The following RNF144A variants were observed in gnomAD, a reference collection of about 807,000 sequenced individuals.
RNF144A encodes E3 ubiquitin-protein ligase RNF144A.
In RNF144A, 11 loss-of-function variants were observed where a neutral mutation model predicts 38.7. The ratio of observed to expected loss-of-function variants is 0.28; its 90% CI spans 0.18 to 0.47. The LOEUF is 0.47. RNF144A is among the 20% of genes least tolerant of loss of function. The pLI is 0.99. For missense variants in RNF144A, 316 were observed against 377.2 expected, an observed-to-expected ratio of 0.84 and a Z score of 1.34; for synonymous variants, 149 against 143.9, an observed-to-expected ratio of 1.04 and a Z score of -0.25.
At chr2:7,033,131 G>A (rs548153188) in intron 8 of RNF144A, among the ~76,000 whole-genome samples, 35 of 152,370 alleles carry the variant, frequency 2.3e-4, no homozygotes, top group African/African-American at 7.9e-4. Flanking sequence ...CAGGGACTCT[G>A]GCTGGCTGTT....
intron 2 of RNF144A, among the ~76,000 whole-genome samples, chr2:6,965,882 A>G (rs188384832): frequency 6.6e-6 from 1 of 152,106 alleles, no homozygotes; most frequent in South Asian, 2.1e-4. Flanking sequence ...TTTAAACAGG[A>G]TGTGCATTTT....
At chr2:7,014,315 G>A (rs541939091) in intron 3 of RNF144A, 139 bp from the exon 4 acceptor site, 1 of 668,478 alleles carries the variant, frequency 1.5e-6, no homozygotes, top group African/African-American at 1.8e-5. Flanking sequence ...CCTCAAATGT[G>A]TTGGTTGCTG....
At chr2:7,001,254 C>T (rs879271905) in intron 3 of RNF144A, among the ~76,000 whole-genome samples, 12 of 151,322 alleles carry the variant, frequency 7.9e-5, no homozygotes, top group Admixed American at 4.0e-4. Flanking sequence ...GAGCTGAGAT[C>T]GCGCCATTGC....
chr2:6,942,919 G>A (rs779213502), intron 2 of RNF144A, among the ~76,000 whole-genome samples: 2 of 152,200 alleles, frequency 1.3e-5, no homozygotes, highest in Non-Finnish European at 2.9e-5. Flanking sequence ...GGGAGGCGGA[G>A]GTCGCAGTGA....
chr2:6,926,963 G>A (rs1196099792), intron 1 of RNF144A, among the ~76,000 whole-genome samples: 1 of 152,136 alleles, frequency 6.6e-6, no homozygotes, highest in African/African-American at 2.4e-5. Context: ...TGAAACAAGG[G>A]AGAGTTTACC....
intron 2 of RNF144A, among the ~76,000 whole-genome samples, chr2:6,976,583 TA>T (rs1469794178): frequency 6.7e-6 from 1 of 148,756 alleles, no homozygotes; most frequent in East Asian, 1.9e-4. Flanking sequence ...TTCATATATA[TA>T]AAACTATATA....
rs540852214 is a variant in RNF144A, at chr2:6,956,319, G to A, written c.-12+15172G>A. 9.2e-5 allele frequency among the ~76,000 whole-genome samples: 14 copies of A among 152,084 alleles called. No homozygotes were observed. In the South Asian group the frequency reaches 1.2e-3, roughly 14 times the overall value. ...AAACTTCCTGAGGCTAGTCACCTTC[G>A]TCTGTACCCATGGCGTGTACCTGAA... is the stretch of plus-strand genomic sequence containing the variant. On this transcript the variant is annotated intron_variant, in intron 2 of 8. Transcript: ENST00000320892.
chr2:6,967,803 A>G (rs1357749500), intron 2 of RNF144A, among the ~76,000 whole-genome samples: 2 of 152,140 alleles, frequency 1.3e-5, no homozygotes, highest in South Asian at 2.1e-4. Context: ...AGATACTTCC[A>G]TAGACTCCTT....
rs935358359 is a variant in RNF144A, at chr2:6,943,293, C to T, written c.-12+2146C>T. Reference sequence around the variant, plus strand: ...CAAGAGGGAACAACCAGGGAGGAAGCGGGGGAACCAGGAGCATGGAGAGGA... The same window carrying T: ...CAAGAGGGAACAACCAGGGAGGAAGTGGGGGAACCAGGAGCATGGAGAGGA... On this transcript the variant is annotated intron_variant, in intron 2 of 8. Transcript: ENST00000320892. The surrounding 1 kb of genome is among the most constrained non-coding windows in gnomAD (Gnocchi z 4.3). 8.5e-5 allele frequency among the ~76,000 whole-genome samples: 13 copies of T among 152,098 alleles called. No homozygotes were observed. Among genetic ancestry groups the T allele is most frequent in the African/African-American group, 1.2e-4 (5 of 41,412 alleles).
intron 3 of RNF144A, among the ~76,000 whole-genome samples, chr2:6,997,361 A>G (rs1669817009): frequency 6.6e-6 from 1 of 152,236 alleles, no homozygotes; most frequent in African/African-American, 2.4e-5. Flanking sequence ...CTACACAGCA[A>G]AAGCTTCCAC....
At chr2:6,932,496 T>C (rs1665266635) in intron 1 of RNF144A, among the ~76,000 whole-genome samples, 1 of 152,200 alleles carries the variant, frequency 6.6e-6, no homozygotes, top group Non-Finnish European at 1.5e-5. Context: ...CCTTATTCCT[T>C]TACAAAATTA....
intron 1 of RNF144A, among the ~76,000 whole-genome samples, chr2:6,924,993 A>G (rs565904394): frequency 2.0e-5 from 3 of 152,308 alleles, no homozygotes; most frequent in African/African-American, 7.2e-5. Context: ...GGAGAATGTC[A>G]GGAAGCACCT....
intron 2 of RNF144A, among the ~76,000 whole-genome samples, chr2:6,973,429 T>C (rs1558396350): frequency 6.6e-6 from 1 of 152,232 alleles, no homozygotes; most frequent in Non-Finnish European, 1.5e-5. Flanking sequence ...GGCCCTCGTA[T>C]TGCCATCAAA....
At chr2:6,978,330 C>G (rs3771999) in intron 2 of RNF144A, among the ~76,000 whole-genome samples, 71,951 of 152,052 alleles carry the variant, frequency 0.47, 17,585 homozygotes, top group Non-Finnish European at 0.55. Flanking sequence ...ACTCTCTTAA[C>G]AGCACATAGT....
chr2:7,016,124 A>G (rs1435144218), intron 5 of RNF144A, among the ~76,000 whole-genome samples: 1 of 146,642 alleles, frequency 6.8e-6, no homozygotes, highest in African/African-American at 2.5e-5. Context: ...AAAAAAAAAG[A>G]AAGAAAAAGA....
At chr2:7,026,434 G>A (rs955276054) in intron 7 of RNF144A, among the ~76,000 whole-genome samples, 1 of 151,016 alleles carries the variant, frequency 6.6e-6, no homozygotes, top group Admixed American at 6.6e-5. Context: ...GGCATCTGAA[G>A]TCTTACCAAG....
At chr2:6,961,996 G>A (rs985946156) in intron 2 of RNF144A, among the ~76,000 whole-genome samples, 4 of 152,188 alleles carry the variant, frequency 2.6e-5, no homozygotes, top group Admixed American at 6.5e-5. Flanking sequence ...ACAAGGACAC[G>A]GACATACGAA....
chr2:7,071,240 C>G (rs1674472138), downstream of RNF144A, among the ~76,000 whole-genome samples: 1 of 152,118 alleles, frequency 6.6e-6, no homozygotes, highest in East Asian at 1.9e-4. Context: ...CTGGCCTTTG[C>G]TGTGACTTTT....
intron 1 of RNF144A, among the ~76,000 whole-genome samples, chr2:6,930,563 CTG>C (rs1665142077): frequency 6.6e-6 from 1 of 151,514 alleles, no homozygotes; most frequent in Admixed American, 6.6e-5. Flanking sequence ...CTTTATCTAT[CTG>C]TATATACATA....
Sources: allele counts gnomAD v4.1 joint callset (sites outside exome capture counted in the v4.1 genomes callset), GRCh38; gene constraint gnomAD v4.1.1; non-coding constraint Gnocchi (gnomAD v3.1); transcripts MANE v1.5; gene names NCBI Gene and HGNC (gene_info 2026-07-23, HGNC 2026-07-21).